UBR2: variants seen among roughly 807,000 people sequenced by gnomAD.
The protein encoded by UBR2 is ubiquitin protein ligase E3 component n-recognin 2.
UBR2 carries 92 observed loss-of-function variants against 247.9 expected under a neutral mutation model. That is an observed-to-expected ratio of 0.37 (90% CI 0.31 to 0.44). UBR2 has a LOEUF of 0.44. UBR2 is among the 20% of genes least tolerant of loss of function. The probability of loss-of-function intolerance (pLI) is 1.00; values close to 1 mark genes in which losing one functional copy is unlikely to be tolerated. For synonymous variants in UBR2, 672 were observed against 693.5 expected (o/e 0.97, Z 0.49); for missense variants, 1,613 against 2,112.6 (o/e 0.76, Z 4.64).
intron 34 of UBR2, among the ~76,000 whole-genome samples, chr6:42,668,694 G>C (rs908398416): frequency 6.6e-6 from 1 of 151,844 alleles, no homozygotes; most frequent in Non-Finnish European, 1.5e-5. Context: ...CACCCACCTC[G>C]GCCTCCCAAA....
chr6:42,594,528 GGTTTT>G lies in UBR2; in HGVS notation c.531+230_531+234del, dbSNP rs1792852874. Among the ~76,000 whole-genome samples, 3 of 152,178 alleles carry G rather than the reference GGTTTT, an allele frequency of 2.0e-5. No homozygotes were observed. The South Asian group carries it at 6.2e-4, about 32-fold the overall frequency. On this transcript the variant is annotated intron_variant, in intron 4 of 46. Coordinates refer to ENST00000372901, the MANE Select transcript of UBR2 (RefSeq NM_001363705.2). Reference sequence around the variant, plus strand: ...TAATTCTGATTTTTTATTTGGTTGGGGTTTTGTTTTAAGCATACTTGAAGTTTATT... The same window carrying G: ...TAATTCTGATTTTTTATTTGGTTGGGGTTTTAAGCATACTTGAAGTTTATT...
intron 8 of UBR2, among the ~76,000 whole-genome samples, chr6:42,613,433 T>C (rs1407131021): frequency 6.6e-6 from 1 of 152,192 alleles, no homozygotes; most frequent in East Asian, 1.9e-4. Context: ...TTAAAAGTTA[T>C]CTTTCCAGGC....
chr6:42,658,005 T>G lies in UBR2; in HGVS notation c.2873-19T>G. The G allele has an allele frequency of 6.3e-7, 1 of 1,582,180 alleles. No individual in the cohort carries two copies. The highest frequency in any genetic ancestry group is 8.7e-7 in the Non-Finnish European group (1 of 1,152,980). On this transcript the variant is annotated intron_variant, in intron 26 of 46. Transcript: ENST00000372901. ...AAGTATTAGCTATTGTTATTGTGCC[T>G]TTTATTTTTCTGCCGTAGAACCTGG...
At chr6:42,617,698 G>A (rs1794651091) in intron 11 of UBR2, among the ~76,000 whole-genome samples, 191 bp downstream of exon 11, 1 of 152,194 alleles carries the variant, frequency 6.6e-6, no homozygotes, top group African/African-American at 2.4e-5. Context: ...TAGGGGGGAA[G>A]TCATTTAAAC....
chr6:42,574,261 A>G (rs1044519569), intron 2 of UBR2, among the ~76,000 whole-genome samples: 13 of 152,144 alleles, frequency 8.5e-5, no homozygotes, highest in African/African-American at 3.1e-4. Flanking sequence ...CTCTTGCAAT[A>G]ATCACTTTCT....
rs760132097 is a variant in UBR2 at position 42,662,193 on chromosome 6, A to G, written c.3452A>G (p.Asp1151Gly). 1 of 1,600,860 alleles carries G rather than the reference A, an allele frequency of 6.2e-7. No individual in the cohort carries two copies. The change falls in exon 31 of 47, where the codon GAT becomes GGT. Residue 1151 changes from aspartate (D) to glycine (G), a missense_variant. By Grantham distance (94) the Asp-to-Gly change is moderately conservative (BLOSUM62 -1). Around this residue, in one of 3 missense-constraint regions of UBR2, gnomAD observed 1,524 missense variants for 1,967.3 expected, o/e 0.77. Coordinates refer to ENST00000372901, the MANE Select transcript of UBR2 (RefSeq NM_001363705.2). ...SKFIQDPEKY[D>G]PLFMHPDLSC... ...TTGTTTTGTAATGCAGAAAAATATG[A>G]TCCATTATTCATGCACCCTGATCTG... is the stretch of plus-strand genomic sequence containing the variant.
intron 29 of UBR2, among the ~76,000 whole-genome samples, 158 bp downstream of exon 29, chr6:42,658,982 G>T (rs1049189751): frequency 6.6e-6 from 1 of 152,094 alleles, no homozygotes. Flanking sequence ...TTTAATCTTA[G>T]AAGTCTCTGA....
At chr6:42,684,934 T>G in intron 44 of UBR2, 63 bp downstream of exon 44, 1 of 1,328,324 alleles carries the variant, frequency 7.5e-7, no homozygotes, top group Non-Finnish European at 1.1e-6. Context: ...ACAAAGAATT[T>G]GAAGGATTTT....
At chr6:42,660,470 G>A (rs1345031511) in intron 30 of UBR2, among the ~76,000 whole-genome samples, 1 of 152,072 alleles carries the variant, frequency 6.6e-6, no homozygotes, top group Non-Finnish European at 1.5e-5. Flanking sequence ...CTCTGTGTGC[G>A]TGTGCTTCAG....
Position 42,632,716 on chromosome 6 carries a change from GT to G in UBR2, c.1445+2del. ...TACAGAGCCTTATTTTAGATCTCAA[GT>G]AAGTTTTCATTTAATTATTAAACCA... On this transcript the variant is annotated splice_donor_variant, in intron 12 of 46. Coordinates refer to ENST00000372901, the MANE Select transcript of UBR2 (RefSeq NM_001363705.2). LOFTEE classifies it high-confidence loss of function. The G allele has an allele frequency of 6.3e-7, 1 of 1,590,068 alleles. No homozygotes were observed. Among genetic ancestry groups the G allele is most frequent in the Non-Finnish European group, 8.5e-7 (1 of 1,171,786 alleles).
At chr6:42,650,181 C>A in intron 22 of UBR2, 103 bp from the exon 23 acceptor site, 1 of 868,110 alleles carries the variant, frequency 1.2e-6, no homozygotes, top group Non-Finnish European at 1.8e-6. Flanking sequence ...CACCCACCAG[C>A]AGTATATGAG....
At chr6:42,603,045 C>G (rs895378851) in intron 4 of UBR2, among the ~76,000 whole-genome samples, 3 of 152,052 alleles carry the variant, frequency 2.0e-5, no homozygotes, top group Non-Finnish European at 4.4e-5. Context: ...GTATGAAGTT[C>G]CCTATTAACA....
intron 9 of UBR2, 26 bp downstream of exon 9, chr6:42,615,204 T>C (rs775957252): frequency 6.4e-7 from 1 of 1,565,522 alleles, no homozygotes; most frequent in Admixed American, 1.8e-5. Flanking sequence ...ACTTTTAAGG[T>C]GTAGAGGAAC....
In UBR2 at chr6:42,692,183, C is replaced by T. The variant is rs1237929645; in HGVS notation, c.*1010C>T. On this transcript the variant is annotated 3_prime_UTR_variant, in exon 47 of 47. Coordinates refer to ENST00000372901, the MANE Select transcript of UBR2 (RefSeq NM_001363705.2). ...TCTTATCTGTATTCTTTTAGAATAC[C>T]CTAATGTTTCAGACAGTGATATTCT... The T allele has an allele frequency of 6.6e-6, 1 of 151,700 alleles. No homozygotes were observed. Among genetic ancestry groups the T allele is most frequent in the Non-Finnish European group, 1.5e-5 (1 of 67,930 alleles). The allele number at this position is 151,700 out of a possible 1,614,324, so 9.4% of individuals were successfully genotyped here.
At position 42,587,991 on chromosome 6, in the gene UBR2, G is replaced by T. The variant is rs545289110; in HGVS notation, c.339-4160G>T. 2.0e-5 allele frequency among the ~76,000 whole-genome samples: 3 copies of T among 152,154 alleles called. No individual in the cohort carries two copies. The East Asian group carries it at 5.8e-4, about 29-fold the overall frequency. ...AGGATTTCTCCAACTCTGAATATTG[G>T]CTGGGTATCTTACAATTTAATTCAA... is the stretch of plus-strand genomic sequence containing the variant. On this transcript the variant is annotated intron_variant, in intron 2 of 46. Coordinates refer to ENST00000372901, the MANE Select transcript of UBR2 (RefSeq NM_001363705.2).
rs764685373 is a variant in UBR2 at position 42,648,126 on chromosome 6, G to A, written c.2418G>A (p.Lys806=). The stretch of plus-strand genomic sequence containing the variant: ...GTGTCCTGTACCTTTAGGAGAACAA[G>A]GAGACTGGCATGGAGAGTGTAATCG... ...LVKSLPEDEN[K]ETGMESVIEA... The change falls in exon 22 of 47, where the codon AAG becomes AAA. Residue 806 remains lysine, a synonymous_variant. Transcript: ENST00000372901. The A allele has an allele frequency of 9.9e-6, 16 of 1,613,848 alleles. No homozygotes were observed. In the South Asian group the frequency reaches 1.5e-4, roughly 16 times the overall value.
chr6:42,650,047 G>T (rs1797023981), intron 22 of UBR2, among the ~76,000 whole-genome samples: 1 of 152,198 alleles, frequency 6.6e-6, no homozygotes, highest in Admixed American at 6.5e-5. Flanking sequence ...TGCCACTGCA[G>T]TGTCCATCAC....
chr6:42,639,752 A>G (rs1029448935), intron 15 of UBR2, among the ~76,000 whole-genome samples: 3 of 152,242 alleles, frequency 2.0e-5, no homozygotes, highest in African/African-American at 7.2e-5. Flanking sequence ...AGCTGGCATA[A>G]CATGTATATA....
Position 42,632,590 on chromosome 6 carries a change from T to C in UBR2, c.1320T>C (p.Ile440=). Residue 440 remains isoleucine, a synonymous_variant, in exon 12 of 47, where the codon ATT becomes ATC. Transcript: ENST00000372901. The stretch of plus-strand genomic sequence containing the variant: ...TCACAGAAGAAAACTTAATGAGCAT[T>C]ATCATTAAGACTTTTATGGATCATT... ...MLITEENLMS[I]IIKTFMDHLR... is the part of the protein sequence containing the mutation. 1 of 1,611,692 alleles carries C rather than the reference T, an allele frequency of 6.2e-7. No individual in the cohort carries two copies. Among genetic ancestry groups the C allele is most frequent in the Non-Finnish European group, 8.5e-7 (1 of 1,179,158 alleles).
Sources: allele counts gnomAD v4.1 joint callset (sites outside exome capture counted in the v4.1 genomes callset), GRCh38; gene constraint gnomAD v4.1.1; regional missense constraint gnomAD v4.1.1; transcripts MANE v1.5; gene names NCBI Gene and HGNC (gene_info 2026-07-23, HGNC 2026-07-21).